Variants in TMCO5A observed in about 807,000 individuals in gnomAD.
TMCO5A encodes transmembrane and coiled-coil domain-containing protein 5A.
In TMCO5A, 34 loss-of-function variants were observed where a neutral mutation model predicts 42.3. The observed-to-expected ratio is 0.80, with a 90% CI of 0.61 to 1.07. The LOEUF is 1.07. Ranked by LOEUF, TMCO5A falls within the 50% of genes least tolerant of loss-of-function variation. The pLI is 0.00. For synonymous variants in TMCO5A, 131 were observed against 115.6 expected, an observed-to-expected ratio of 1.13 and a Z score of -0.86; for missense variants, 357 against 327.9, an observed-to-expected ratio of 1.09 and a Z score of -0.69.
downstream of TMCO5A, among the ~76,000 whole-genome samples, chr15:37,968,517 A>G (rs1376012073): frequency 6.6e-6 from 1 of 152,090 alleles, no homozygotes; most frequent in East Asian, 1.9e-4. Flanking sequence ...TCTACGGTCA[A>G]ACCTGAGTTT....
At chr15:37,941,938 ACT>A (rs1889761304) in intron 8 of TMCO5A, among the ~76,000 whole-genome samples, 1 of 151,956 alleles carries the variant, frequency 6.6e-6, no homozygotes, top group Admixed American at 6.6e-5. Flanking sequence ...CTGCTCTCCC[ACT>A]CTCTGTGCTG....
Position 37,947,678 on chromosome 15 carries a change from C to A in TMCO5A, c.650C>A (p.Ala217Glu), listed in dbSNP as rs569129709. The A allele has an allele frequency of 1.9e-6, 3 of 1,600,022 alleles. No homozygotes were observed. Among genetic ancestry groups the A allele is most frequent in the East Asian group, 2.2e-5 (1 of 44,664 alleles). ...NNEGTPTQKT[A>E]RLFSKKIFCC... Reference sequence around the variant, plus strand: ...CAGGGTACTCCTACCCAAAAGACAGCAAGATTATTCAGTAAAAAGTAAGTA... The same window carrying A: ...CAGGGTACTCCTACCCAAAAGACAGAAAGATTATTCAGTAAAAAGTAAGTA... The change falls in exon 11 of 12, where the codon GCA (alanine) becomes GAA (glutamate). Residue 217 changes from alanine to glutamate, a missense_variant. By Grantham distance (107) the Ala-to-Glu change is moderately radical. Coordinates refer to ENST00000319669, the MANE Select transcript of TMCO5A (RefSeq NM_152453.4).
At chr15:38,033,346 A>G in the TMCO5A span, among the ~76,000 whole-genome samples, 3 of 152,174 alleles carry the variant, frequency 2.0e-5, no homozygotes, top group African/African-American at 7.2e-5. Context: ...TTTGTATAGA[A>G]CATTTAATTT....
the TMCO5A span, chr15:38,024,729 A>G: frequency 6.6e-6 from 1 of 152,222 alleles, no homozygotes; most frequent in Non-Finnish European, 1.5e-5. Context: ...AAGGCCTCAC[A>G]TAGAGAGACC....
the TMCO5A span, among the ~76,000 whole-genome samples, chr15:37,996,411 A>G: frequency 6.6e-6 from 1 of 152,210 alleles, no homozygotes; most frequent in Admixed American, 6.5e-5. Context: ...ATGGGCAAAG[A>G]AAACTAGGAA....
chr15:38,020,391 T>C, the TMCO5A span: 3 of 152,026 alleles, frequency 2.0e-5, no homozygotes, highest in African/African-American at 7.2e-5. Context: ...GAAGAAAATA[T>C]ATGGAAGTAT....
chr15:38,001,583 T>G, the TMCO5A span, among the ~76,000 whole-genome samples: 1 of 152,016 alleles, frequency 6.6e-6, no homozygotes, highest in African/African-American at 2.4e-5. Flanking sequence ...GGTCTTCTCT[T>G]CCTTCTTTCC....
Position 37,941,658 on chromosome 15 carries a change from T to G in TMCO5A, c.445-13T>G. The G allele has an allele frequency of 6.3e-7, 1 of 1,594,764 alleles. No individual in the cohort carries two copies. Among genetic ancestry groups the G allele is most frequent in the Middle Eastern group, 1.7e-4 (1 of 6,018 alleles). On this transcript the variant is annotated splice_polypyrimidine_tract_variant and intron_variant, in intron 7 of 11. Coordinates refer to ENST00000319669, the MANE Select transcript of TMCO5A (RefSeq NM_152453.4). ...TACCGAAATATATTTACAACTAAATTTTGATTTCCTAGGTAATGAAGGAGT... is the reference window on the plus strand; with the variant it reads ...TACCGAAATATATTTACAACTAAATGTTGATTTCCTAGGTAATGAAGGAGT...
chr15:37,980,795 C>T, the TMCO5A span, among the ~76,000 whole-genome samples: 1 of 152,058 alleles, frequency 6.6e-6, no homozygotes, highest in South Asian at 2.1e-4. Context: ...TGGTAGGCTC[C>T]CATTTACCAG....
At chr15:37,974,504 A>C in the TMCO5A span, among the ~76,000 whole-genome samples, 1 of 152,272 alleles carries the variant, frequency 6.6e-6, no homozygotes, top group Admixed American at 6.5e-5. Context: ...GTTTCCAAGA[A>C]TTTATCCATT....
downstream of TMCO5A, among the ~76,000 whole-genome samples, chr15:37,969,915 G>A (rs1029582963): frequency 1.3e-5 from 2 of 152,048 alleles, no homozygotes; most frequent in African/African-American, 4.8e-5. Flanking sequence ...TATTTATCCT[G>A]TCTACCATTG....
rs763233987 is a variant in TMCO5A, at chr15:37,936,939, T to C, written c.233T>C (p.Leu78Ser). ...ACCACGATGGAAAGGGAAAGAGCCT[T>C]GCAGGAGCTGGAGGAAGAAACAGCC... ...NRTTMERERA[L>S]QELEEETARL... The change falls in exon 4 of 12, where the codon TTG becomes TCG. Residue 78 changes from leucine to serine, a missense_variant. By Grantham distance (145) the Leu-to-Ser change is moderately radical. Coordinates refer to ENST00000319669, the MANE Select transcript of TMCO5A (RefSeq NM_152453.4). 1.2e-6 allele frequency: 2 copies of C among 1,612,480 alleles called. No individual in the cohort carries two copies. Among genetic ancestry groups the C allele is most frequent in the Admixed American group, 3.3e-5 (2 of 59,872 alleles).
the TMCO5A span, among the ~76,000 whole-genome samples, chr15:37,986,546 T>TC: frequency 2.6e-5 from 4 of 151,944 alleles, no homozygotes; most frequent in African/African-American, 9.7e-5. Context: ...ATCACTGCCA[T>TC]CCATCTCCAG....
At chr15:38,024,852 G>A in the TMCO5A span, 1 of 152,264 alleles carries the variant, frequency 6.6e-6, no homozygotes, top group East Asian at 1.9e-4. Flanking sequence ...CACAGGCTGT[G>A]CACCAAGCCT....
At chr15:37,960,045 G>T (rs189840521) in intron 11 of TMCO5A, among the ~76,000 whole-genome samples, 1 of 151,886 alleles carries the variant, frequency 6.6e-6, no homozygotes, top group Non-Finnish European at 1.5e-5. Flanking sequence ...GGGTACAGTT[G>T]GTATTTGGTC....
the TMCO5A span, among the ~76,000 whole-genome samples, chr15:38,006,295 C>G: frequency 6.6e-6 from 1 of 152,082 alleles, no homozygotes; most frequent in Non-Finnish European, 1.5e-5. Flanking sequence ...TCTGTGGGCT[C>G]TGATATAGCA....
chr15:37,953,652 C>T (rs72707404), downstream of TMCO5A, among the ~76,000 whole-genome samples: 80 of 152,054 alleles, frequency 5.3e-4, no homozygotes, highest in African/African-American at 1.9e-3. Context: ...CTCTTCAATG[C>T]CCCAGCACCA....
At chr15:38,010,660 T>G in the TMCO5A span, among the ~76,000 whole-genome samples, 1 of 152,112 alleles carries the variant, frequency 6.6e-6, no homozygotes, top group African/African-American at 2.4e-5. Flanking sequence ...AAAAAATAAA[T>G]TTCTGTGGTT....
At chr15:37,987,293 C>T in the TMCO5A span, among the ~76,000 whole-genome samples, 2 of 151,934 alleles carry the variant, frequency 1.3e-5, no homozygotes, top group African/African-American at 2.4e-5. Context: ...ATATTAATCC[C>T]TTATCAGACA....
Sources: gnomAD v4.1 joint callset for allele counts (sites outside exome capture counted in the v4.1 genomes callset) on GRCh38, gnomAD v4.1.1 for gene constraint, MANE v1.5 for transcripts, NCBI Gene and HGNC (gene_info 2026-07-23, HGNC 2026-07-21) for gene names.